PRRX1: variants seen among roughly 807,000 people sequenced by gnomAD.
The protein encoded by PRRX1 is paired mesoderm homeobox protein 1.
In PRRX1, 8 loss-of-function variants were observed where a neutral mutation model predicts 24.0. That is an observed-to-expected ratio of 0.33 (90% CI 0.20 to 0.60). The LOEUF (loss-of-function observed/expected upper bound fraction) is 0.60. PRRX1 is among the 20% of genes least tolerant of loss of function. The pLI is 0.82. For missense variants in PRRX1, 281 were observed against 322.4 expected, an observed-to-expected ratio of 0.87 and a Z score of 0.98; for synonymous variants, 160 against 131.7, an observed-to-expected ratio of 1.22 and a Z score of -1.47.
intron 1 of PRRX1, among the ~76,000 whole-genome samples, chr1:170,678,281 C>T (rs1271031824): frequency 2.6e-5 from 4 of 152,182 alleles, no homozygotes; most frequent in African/African-American, 9.7e-5. Context: ...ATGAAACATC[C>T]AGGACTCTAT....
At chr1:170,703,447 G>T (rs921993842) in intron 1 of PRRX1, among the ~76,000 whole-genome samples, 11 of 152,252 alleles carry the variant, frequency 7.2e-5, no homozygotes, top group Admixed American at 5.2e-4. Context: ...CTTAATAATT[G>T]TTTGTTATTC....
intron 1 of PRRX1, 53 bp from the exon 2 acceptor site, chr1:170,719,673 C>G (rs951844683): frequency 1.9e-6 from 3 of 1,580,906 alleles, no homozygotes; most frequent in Admixed American, 3.4e-5. Flanking sequence ...AAAGTCTTAA[C>G]TGGGACTCCT....
chr1:170,730,308 G>T, intron 3 of PRRX1: 1 of 1,612,476 alleles, frequency 6.2e-7, no homozygotes, highest in East Asian at 2.2e-5. Context: ...TTGTTTACAC[G>T]AGGGGCTTCA....
chr1:170,665,970 A>C lies in PRRX1; in HGVS notation c.241+1511A>C, dbSNP rs537501915. 7.9e-4 allele frequency among the ~76,000 whole-genome samples: 121 copies of C among 152,392 alleles called. No homozygotes were observed. The Middle Eastern group carries it at 0.01, about 13-fold the overall frequency. ...AAGTTCCGCATAAAGGGCTAGGCGC[A>C]GAGACAGAGACGTTCTCTTTAGGGT... On this transcript the variant is annotated intron_variant, in intron 1 of 3. Transcript: ENST00000239461.
chr1:170,722,544 A>C (rs1318986056), intron 2 of PRRX1: 1 of 152,208 alleles, frequency 6.6e-6, no homozygotes, highest in East Asian at 1.9e-4. Flanking sequence ...TGATTCCTAC[A>C]TCAGTGGAAT....
chr1:170,709,083 C>A (rs561581614), intron 1 of PRRX1, among the ~76,000 whole-genome samples: 1 of 152,292 alleles, frequency 6.6e-6, no homozygotes, highest in Admixed American at 6.5e-5. Context: ...AGGTAAGGTG[C>A]CTACCCTCAT....
intron 1 of PRRX1, among the ~76,000 whole-genome samples, chr1:170,701,442 T>C (rs1654356069): frequency 6.6e-6 from 1 of 152,172 alleles, no homozygotes; most frequent in Admixed American, 6.5e-5. Flanking sequence ...TTGAATTCCA[T>C]GGTTTAAAGG....
intron 1 of PRRX1, among the ~76,000 whole-genome samples, chr1:170,713,458 G>A (rs1654809122): frequency 2.0e-5 from 3 of 152,124 alleles, no homozygotes; most frequent in Admixed American, 2.0e-4. Context: ...CATTTTTGGC[G>A]CTATAGAAAA....
intron 1 of PRRX1, among the ~76,000 whole-genome samples, chr1:170,713,389 C>A (rs1654806425): frequency 6.6e-6 from 1 of 152,094 alleles, no homozygotes; most frequent in South Asian, 2.1e-4. Context: ...GATCAATAAT[C>A]CTTTAAGGAA....
chr1:170,721,558 C>T (rs559874586), intron 2 of PRRX1, among the ~76,000 whole-genome samples: 5 of 152,176 alleles, frequency 3.3e-5, no homozygotes, highest in African/African-American at 1.2e-4. Flanking sequence ...CCAAGAAGTA[C>T]TCCCCAAGAG....
At chr1:170,674,663 T>A (rs1653252921) in intron 1 of PRRX1, among the ~76,000 whole-genome samples, 1 of 151,920 alleles carries the variant, frequency 6.6e-6, no homozygotes, top group African/African-American at 2.4e-5. Context: ...TAAGCAAATT[T>A]TTTTTTTTTT....
At chr1:170,690,223 C>G (rs148403511) in intron 1 of PRRX1, among the ~76,000 whole-genome samples, 11 of 152,028 alleles carry the variant, frequency 7.2e-5, no homozygotes, top group African/African-American at 2.7e-4. Context: ...GTCCGTGCCC[C>G]CTATGAGCTT....
At chr1:170,687,838 T>TAGAAA (rs1653799312) in intron 1 of PRRX1, among the ~76,000 whole-genome samples, 1 of 152,070 alleles carries the variant, frequency 6.6e-6, no homozygotes, top group Non-Finnish European at 1.5e-5. Context: ...TTTAGGTAAC[T>TAGAAA]AAAAGGACTC....
intron 1 of PRRX1, among the ~76,000 whole-genome samples, chr1:170,701,479 A>G (rs1654357186): frequency 6.6e-6 from 1 of 152,204 alleles, no homozygotes; most frequent in South Asian, 2.1e-4. Context: ...GCATGAAATC[A>G]GTTTAACTTG....
At chr1:170,702,353 G>T (rs1276748064) in intron 1 of PRRX1, among the ~76,000 whole-genome samples, 12 of 152,080 alleles carry the variant, frequency 7.9e-5, no homozygotes, top group Admixed American at 7.9e-4. Context: ...TTTTGTATCT[G>T]TTATTAACCA....
intron 1 of PRRX1, among the ~76,000 whole-genome samples, chr1:170,669,719 AG>A (rs1298843469): frequency 2.0e-5 from 3 of 152,060 alleles, no homozygotes; most frequent in African/African-American, 4.8e-5. Context: ...TAGGGCCCTC[AG>A]GTACCGGATT....
chr1:170,734,394 T>A (rs1655540646), intron 3 of PRRX1, among the ~76,000 whole-genome samples: 1 of 152,120 alleles, frequency 6.6e-6, no homozygotes, highest in African/African-American at 2.4e-5. Context: ...AGGAAACAGT[T>A]GTGAACAAGG....
intron 1 of PRRX1, among the ~76,000 whole-genome samples, chr1:170,697,370 C>A (rs753434533): frequency 1.3e-5 from 2 of 151,982 alleles, no homozygotes; most frequent in Non-Finnish European, 2.9e-5. Flanking sequence ...ACATAATCTT[C>A]CAAGTGTGAT....
chr1:170,705,024 G>A lies in PRRX1; in HGVS notation c.242-14702G>A, dbSNP rs537581467. Among the ~76,000 whole-genome samples, 34 of 152,292 alleles carry A rather than the reference G, an allele frequency of 2.2e-4. 1 individual carries two copies. In the East Asian group the frequency reaches 6.4e-3, roughly 29 times the overall value. On this transcript the variant is annotated intron_variant, in intron 1 of 3. Coordinates refer to ENST00000239461, the MANE Select transcript of PRRX1 (RefSeq NM_022716.4). ...TGCAAAGAGTTCCAAAGGCACACAT[G>A]TTATTTGGGTCCTAGTGGAATGGTC... is the stretch of plus-strand genomic sequence containing the variant.
Sources: gnomAD v4.1 joint callset for allele counts (sites outside exome capture counted in the v4.1 genomes callset) on GRCh38, gnomAD v4.1.1 for gene constraint, MANE v1.5 for transcripts, NCBI Gene and HGNC (gene_info 2026-07-23, HGNC 2026-07-21) for gene names.